Variants in RABGAP1L observed in about 807,000 individuals in gnomAD.
The protein encoded by RABGAP1L is rab GTPase-activating protein 1-like.
A neutral mutation model predicts 137.7 loss-of-function variants in RABGAP1L; 63 were observed. The ratio of observed to expected loss-of-function variants is 0.46; its 90% CI spans 0.37 to 0.56. RABGAP1L has a LOEUF of 0.56. Among genes scored for constraint, RABGAP1L ranks in the 20% least tolerant of loss-of-function variants. RABGAP1L has a pLI of 0.00. For missense variants in RABGAP1L, 1,095 were observed against 1,244.0 expected (o/e 0.88, Z 1.80); for synonymous variants, 431 against 433.7 (o/e 0.99, Z 0.08).
At chr1:174,935,841 C>T (rs571091590) in intron 19 of RABGAP1L, among the ~76,000 whole-genome samples, 21 of 151,930 alleles carry the variant, frequency 1.4e-4, no homozygotes, top group African/African-American at 4.6e-4. Flanking sequence ...ATTAGCTGAG[C>T]GTGGTGGCAC....
chr1:174,364,214 A>ATTATTGTT (rs1684389197), intron 11 of RABGAP1L, among the ~76,000 whole-genome samples: 1 of 69,586 alleles, frequency 1.4e-5, no homozygotes, highest in African/African-American at 5.2e-5. Context: ...CTTGTTACTT[A>ATTATTGTT]TTATTGTTCT....
chr1:174,208,773 G>A (rs748516438), intron 1 of RABGAP1L, among the ~76,000 whole-genome samples: 10 of 152,178 alleles, frequency 6.6e-5, no homozygotes, highest in Non-Finnish European at 1.3e-4. Context: ...CTCACAGAAT[G>A]AGTTAGAAAG....
At chr1:174,674,490 T>C (rs1056286622) in intron 14 of RABGAP1L, among the ~76,000 whole-genome samples, 1 of 151,078 alleles carries the variant, frequency 6.6e-6, no homozygotes, top group Non-Finnish European at 1.5e-5. Context: ...TCTATCATTA[T>C]TGGACATTTG....
intron 4 of RABGAP1L, among the ~76,000 whole-genome samples, chr1:174,238,246 C>G (rs1335638409): frequency 6.6e-6 from 1 of 152,166 alleles, no homozygotes; most frequent in African/African-American, 2.4e-5. Context: ...GTAATTTGAT[C>G]GTCTGAAGCC....
chr1:174,223,034 C>T (rs554947202), intron 3 of RABGAP1L, among the ~76,000 whole-genome samples: 4 of 151,652 alleles, frequency 2.6e-5, no homozygotes, highest in Non-Finnish European at 5.9e-5. Flanking sequence ...CTTTGGGAGG[C>T]CAAGATGGGC....
chr1:174,681,189 A>G (rs992461418), intron 14 of RABGAP1L, among the ~76,000 whole-genome samples: 1 of 152,230 alleles, frequency 6.6e-6, no homozygotes, highest in Admixed American at 6.5e-5. Flanking sequence ...TACATTTAAC[A>G]TTTGAAGTTT....
At chr1:174,181,206 G>C (rs547744460) in intron 1 of RABGAP1L, among the ~76,000 whole-genome samples, 1 of 152,176 alleles carries the variant, frequency 6.6e-6, no homozygotes, top group African/African-American at 2.4e-5. Flanking sequence ...AGGTCTTGCT[G>C]TATTGTCCAG....
intron 13 of RABGAP1L, among the ~76,000 whole-genome samples, chr1:174,420,864 A>G (rs1207100651): frequency 1.1e-4 from 16 of 151,982 alleles, no homozygotes; most frequent in Non-Finnish European, 1.6e-4. Flanking sequence ...TTTAGTAGAG[A>G]TGGGGTTTCA....
intron 19 of RABGAP1L, among the ~76,000 whole-genome samples, chr1:174,816,194 C>T (rs963693841): frequency 3.0e-5 from 4 of 132,734 alleles, no homozygotes; most frequent in Non-Finnish European, 6.3e-5. Context: ...CTCTTGTTGC[C>T]CAGGCTGGAG....
chr1:174,946,940 A>ATATATG (rs1341510730), intron 19 of RABGAP1L, among the ~76,000 whole-genome samples: 2 of 60,938 alleles, frequency 3.3e-5, no homozygotes, highest in African/African-American at 1.5e-4. Context: ...ATATATATAT[A>ATATATG]TGTGTGTGTG....
intron 13 of RABGAP1L, among the ~76,000 whole-genome samples, chr1:174,473,987 TC>T (rs1230963176): frequency 6.6e-6 from 1 of 152,224 alleles, no homozygotes; most frequent in Non-Finnish European, 1.5e-5. Context: ...CTGTAGCTGT[TC>T]CTGTAACGTT....
chr1:174,261,903 C>G (rs1571828615), intron 7 of RABGAP1L, among the ~76,000 whole-genome samples: 2 of 152,124 alleles, frequency 1.3e-5, no homozygotes, highest in East Asian at 3.9e-4. Flanking sequence ...AATAATTTCT[C>G]TTAGAGGATA....
intron 15 of RABGAP1L, among the ~76,000 whole-genome samples, chr1:174,691,953 A>T (rs1678906195): frequency 1.3e-5 from 2 of 152,142 alleles, no homozygotes; most frequent in South Asian, 4.1e-4. Context: ...ATGCCGATTG[A>T]GGGATAAGCT....
In RABGAP1L at chr1:174,205,129, C is replaced by G. The variant is rs182678222; in HGVS notation, c.-33-13996C>G. 7.2e-5 allele frequency among the ~76,000 whole-genome samples: 11 copies of G among 152,296 alleles called. No individual in the cohort carries two copies. In the East Asian group the frequency reaches 1.7e-3, roughly 24 times the overall value. On this transcript the variant is annotated intron_variant, in intron 1 of 25. Coordinates refer to ENST00000681986, the MANE Select transcript of RABGAP1L (RefSeq NM_001366446.1). ...TATTGATTTGTGTATGTTTAACCAA[C>G]TTCACATCCTGGAGATGAAGGCTGC...
chr1:174,348,475 T>C (rs1682664359), intron 11 of RABGAP1L, among the ~76,000 whole-genome samples: 1 of 148,442 alleles, frequency 6.7e-6, no homozygotes, highest in Admixed American at 6.7e-5. Flanking sequence ...AATTTATTTT[T>C]TTATTGATAA....
At chr1:174,482,340 A>G (rs1659188061) in intron 13 of RABGAP1L, among the ~76,000 whole-genome samples, 1 of 152,254 alleles carries the variant, frequency 6.6e-6, no homozygotes, top group African/African-American at 2.4e-5. Context: ...ATAGGAAAAT[A>G]AAACTCATTA....
intron 13 of RABGAP1L, among the ~76,000 whole-genome samples, chr1:174,427,942 T>A (rs1277863839): frequency 1.3e-5 from 2 of 152,196 alleles, no homozygotes; most frequent in Non-Finnish European, 2.9e-5. Context: ...CTCAGACCTG[T>A]GTTGGTTAGT....
intron 13 of RABGAP1L, among the ~76,000 whole-genome samples, chr1:174,556,864 A>C (rs1376689347): frequency 2.6e-5 from 4 of 152,204 alleles, no homozygotes; most frequent in Non-Finnish European, 4.4e-5. Context: ...ATTTTTGTAG[A>C]GGGAGATTCA....
At chr1:174,744,177 A>G (rs770697474) in intron 17 of RABGAP1L, among the ~76,000 whole-genome samples, 3 of 151,730 alleles carry the variant, frequency 2.0e-5, no homozygotes, top group Non-Finnish European at 4.4e-5. Context: ...CAAAACCCAA[A>G]CATCACATTC....
Sources: allele counts gnomAD v4.1 joint callset (sites outside exome capture counted in the v4.1 genomes callset), GRCh38; gene constraint gnomAD v4.1.1; transcripts MANE v1.5; gene names NCBI Gene and HGNC (gene_info 2026-07-23, HGNC 2026-07-21).